Variants in UBL4A observed in about 807,000 individuals in gnomAD.
UBL4A encodes the protein ubiquitin-like protein 4A.
A neutral mutation model predicts 11.4 loss-of-function variants in UBL4A; 4 were observed. That is an observed-to-expected ratio of 0.35 (90% CI 0.17 to 0.81). UBL4A has a LOEUF of 0.81. UBL4A is among the 30% of genes least tolerant of loss of function. The probability of loss-of-function intolerance (pLI) is 0.52; values close to 1 mark genes in which losing one functional copy is unlikely to be tolerated. For missense variants in UBL4A, 112 were observed against 124.9 expected (o/e 0.90, Z 0.49); for synonymous variants, 72 against 61.2 (o/e 1.18, Z -0.83).
At position 154,486,590 on chromosome X, in the gene UBL4A, T is replaced by C; in HGVS notation, c.-6A>G. On this transcript the variant is annotated 5_prime_UTR_variant, in exon 1 of 4. Transcript: ENST00000369660. ...GCCTTCACCGTCAGCTGCATGGCGG[T>C]CGCGACGGCGTCCACTCGGGCCGGC... The C allele has an allele frequency of 1.1e-6, 1 of 920,434 alleles. No homozygotes were observed. Among genetic ancestry groups the C allele is most frequent in the Non-Finnish European group, 1.3e-6 (1 of 742,827 alleles). The allele number at this position is 920,434 out of a possible 1,213,427, so 75.9% of individuals were successfully genotyped here. A position where few individuals can be genotyped will look rare whatever the true frequency, so the allele number is the denominator to read the frequency against.
At chrX:154,486,060 G>A (rs2069295976) in intron 2 of UBL4A, 81 bp from the exon 3 acceptor site, 1 of 1,127,769 alleles carries the variant, frequency 8.9e-7, no homozygotes. Context: ...TCGGGCGGCG[G>A]GAGCGGAGCG....
Position 154,486,204 on chromosome X carries a change from C to T in UBL4A, c.154+24G>A, listed in dbSNP as rs782538005. The T allele has an allele frequency of 4.4e-6, 5 of 1,139,422 alleles. No individual in the cohort carries two copies. In the Admixed American group the frequency reaches 8.0e-5, roughly 18 times the overall value. 93.9% of individuals were successfully genotyped at this position (1,139,422 alleles called of 1,213,427 possible). A position where few individuals can be genotyped will look rare whatever the true frequency, so the allele number is the denominator to read the frequency against. On this transcript the variant is annotated intron_variant, in intron 2 of 3. Coordinates refer to ENST00000369660, the MANE Select transcript of UBL4A (RefSeq NM_014235.5). ...CGGTCCCGCTTCCTGCGGGGCTCCCCGGGCGTCTCCTCTCCCTGGGTACCT... is the reference window on the plus strand; with the variant it reads ...CGGTCCCGCTTCCTGCGGGGCTCCCTGGGCGTCTCCTCTCCCTGGGTACCT...
rs2069286926 is a variant in UBL4A, at chrX:154,485,259, GC to G, written c.*279del. On this transcript the variant is annotated 3_prime_UTR_variant, in exon 4 of 4. Transcript: ENST00000369660. ...GACATGCGAGAGCCCAGCTCTCCAA[GC>G]GGCCCCTTCCTCCTTCTCACACCAA... is the stretch of plus-strand genomic sequence containing the variant. The G allele has an allele frequency of 4.2e-6, 2 of 477,386 alleles. No individual in the cohort carries two copies. Among genetic ancestry groups the G allele is most frequent in the African/African-American group, 2.4e-5 (1 of 42,095 alleles). 39.3% of individuals were successfully genotyped at this position (477,386 alleles called of 1,213,427 possible).
rs1416896752 is a variant in UBL4A, at chrX:154,486,427, C to T, written c.49-94G>A. The T allele has an allele frequency of 3.1e-6, 3 of 981,725 alleles. No individual in the cohort carries two copies. In the African/African-American group the frequency reaches 6.3e-5, roughly 21 times the overall value. The allele number at this position is 981,725 out of a possible 1,213,427, so 80.9% of individuals were successfully genotyped here. ...GCCCCCGAGGGCAGCTCTCCCGGCTCCCGGCCCTCGGCCCGGCCGCCCCGT... is the reference window on the plus strand; with the variant it reads ...GCCCCCGAGGGCAGCTCTCCCGGCTTCCGGCCCTCGGCCCGGCCGCCCCGT... On this transcript the variant is annotated intron_variant, in intron 1 of 3. Transcript: ENST00000369660.
intron 3 of UBL4A, 41 bp from the exon 4 acceptor site, chrX:154,485,690 G>C (rs368872121): frequency 1.3e-5 from 14 of 1,042,629 alleles, no homozygotes; most frequent in South Asian, 2.0e-5. Context: ...GCTGCCAGTG[G>C]TGGGGGGGCA....
At chrX:154,486,030 G>T in intron 2 of UBL4A, 51 bp from the exon 3 acceptor site, 1 of 1,183,090 alleles carries the variant, frequency 8.5e-7, no homozygotes, top group Non-Finnish European at 1.1e-6. Context: ...CGTGGGGGTG[G>T]CCCGGGGCGC....
At chrX:154,486,073 G>A in intron 2 of UBL4A, 94 bp from the exon 3 acceptor site, 1 of 1,096,099 alleles carries the variant, frequency 9.1e-7, no homozygotes. Flanking sequence ...GCGGAGCGCT[G>A]CGGCATCCGG....
At chrX:154,486,383 C>T in intron 1 of UBL4A, 50 bp from the exon 2 acceptor site, 1 of 1,069,307 alleles carries the variant, frequency 9.4e-7, no homozygotes. Context: ...GGCCCCCAGA[C>T]GGCGAAGCCC....
rs782157299 is a variant in UBL4A at position 154,486,099 on chromosome X, C to T, written c.155-120G>A. The stretch of plus-strand genomic sequence containing the variant: ...CGGCATCCGGCTGTGAGGCATGCGG[C>T]CGCCTCCCTTGGGGTCATGTGGCGC... On this transcript the variant is annotated intron_variant, in intron 2 of 3. Transcript: ENST00000369660. 8.3e-4 allele frequency: 863 copies of T among 1,041,322 alleles called. 3 individuals are homozygous for T. The African/African-American group carries it at 0.015, about 18-fold the overall frequency. The allele number at this position is 1,041,322 out of a possible 1,213,427, so 85.8% of individuals were successfully genotyped here. A position where few individuals can be genotyped will look rare whatever the true frequency, so the allele number is the denominator to read the frequency against.
Position 154,485,386 on chromosome X carries a change from C to T in UBL4A, c.*153G>A, listed in dbSNP as rs1253677694. ...CCTCTTCTGAGGGTGTGGAAGCAAA[C>T]CCAGGTCAAGCTGTGAGGAGTGCCT... On this transcript the variant is annotated 3_prime_UTR_variant, in exon 4 of 4. Transcript: ENST00000369660. The T allele has an allele frequency of 8.1e-6, 5 of 619,410 alleles. No homozygotes were observed. Among genetic ancestry groups the T allele is most frequent in the Non-Finnish European group, 1.1e-5 (4 of 362,470 alleles). The allele number at this position is 619,410 out of a possible 1,213,427, so 51.0% of individuals were successfully genotyped here. A position where few individuals can be genotyped will look rare whatever the true frequency, so the allele number is the denominator to read the frequency against.
Position 154,485,043 on chromosome X carries a change from T to A in UBL4A, c.*496A>T. 1 of 294,588 alleles carries A rather than the reference T, an allele frequency of 3.4e-6. No homozygotes were observed. The allele number at this position is 294,588 out of a possible 1,213,427, so 24.3% of individuals were successfully genotyped here. On this transcript the variant is annotated 3_prime_UTR_variant, in exon 4 of 4. Coordinates refer to ENST00000369660, the MANE Select transcript of UBL4A (RefSeq NM_014235.5). ...TGGCCCCAATCTGCTTTTCCATTTG[T>A]CGAACGCACACTGGCACACTGGCTG...
At chrX:154,486,081 C>G (rs782051141) in intron 2 of UBL4A, 102 bp from the exon 3 acceptor site, 9 of 1,076,560 alleles carry the variant, frequency 8.4e-6, no homozygotes, top group South Asian at 4.0e-5. Flanking sequence ...CTGCGGCATC[C>G]GGCTGTGAGG....
At position 154,485,509 on chromosome X, in the gene UBL4A, C is replaced by T; in HGVS notation, c.*30G>A. On this transcript the variant is annotated 3_prime_UTR_variant, in exon 4 of 4. Transcript: ENST00000369660. ...AGTGCGACATGCAGCGGTAGCCTGG[C>T]GTTGGGCACCTCCCCATGCTCCGAG... The T allele has an allele frequency of 3.4e-6, 4 of 1,174,802 alleles. No individual in the cohort carries two copies. Among genetic ancestry groups the T allele is most frequent in the Non-Finnish European group, 4.6e-6 (4 of 862,024 alleles).
chrX:154,484,153 G>GTATT lies in UBL4A; in HGVS notation c.*1385_*1386insAATA, dbSNP rs1337080091. ...CACACAAACAAGAACACTGGTAAAT[G>GTATT]TATCACCTGAACTGCAGGCCACACA... On this transcript the variant is annotated 3_prime_UTR_variant, in exon 4 of 4. Transcript: ENST00000369660. 8.8e-6 allele frequency: 1 copy of GTATT among 113,163 alleles called. No individual in the cohort carries two copies. Among genetic ancestry groups the GTATT allele is most frequent in the Non-Finnish European group, 1.9e-5 (1 of 53,382 alleles). 9.3% of individuals were successfully genotyped at this position (113,163 alleles called of 1,213,427 possible).
intron 2 of UBL4A, 23 bp from the exon 3 acceptor site, chrX:154,486,002 T>TTCC: frequency 8.3e-7 from 1 of 1,200,977 alleles, no homozygotes; most frequent in Non-Finnish European, 1.1e-6. Context: ...GATCGATGGG[T>TTCC]TCCTCCTCCT....
At position 154,486,240 on chromosome X, in the gene UBL4A, T is replaced by C. The variant is rs2069297899; in HGVS notation, c.142A>G (p.Lys48Glu). The C allele has an allele frequency of 8.7e-7, 1 of 1,154,290 alleles. No homozygotes were observed. Among genetic ancestry groups the C allele is most frequent in the Non-Finnish European group, 1.2e-6 (1 of 867,399 alleles). Residue 48 changes from lysine (K) to glutamate (E), a missense_variant, in exon 2 of 4, where the codon AAG (lysine) becomes GAG (glutamate). Lys to Glu is a moderately conservative substitution (Grantham distance 56, BLOSUM62 1). Coordinates refer to ENST00000369660, the MANE Select transcript of UBL4A (RefSeq NM_014235.5). ...VRQQRLLFKG[K>E]ALADGKRLSD... ...TCTCCCTGGGTACCTGCCAGGGCCT[T>C]GCCCTTGAACAGCAGCCGCTGCTGG...
Position 154,485,233 on chromosome X carries a change from T to G in UBL4A, c.*306A>C. The G allele has an allele frequency of 2.2e-6, 1 of 463,878 alleles. No individual in the cohort carries two copies. Among genetic ancestry groups the G allele is most frequent in the Admixed American group, 3.7e-5 (1 of 27,078 alleles). The allele number at this position is 463,878 out of a possible 1,213,427, so 38.2% of individuals were successfully genotyped here. On this transcript the variant is annotated 3_prime_UTR_variant, in exon 4 of 4. Coordinates refer to ENST00000369660, the MANE Select transcript of UBL4A (RefSeq NM_014235.5). ...GGGTATATTCTCAGTGGGCTAAACATGACATGCGAGAGCCCAGCTCTCCAA... is the reference window on the plus strand; with the variant it reads ...GGGTATATTCTCAGTGGGCTAAACAGGACATGCGAGAGCCCAGCTCTCCAA...
intron 1 of UBL4A, 47 bp downstream of exon 1, chrX:154,486,490 G>A: frequency 9.7e-7 from 1 of 1,027,696 alleles, no homozygotes; most frequent in Non-Finnish European, 1.2e-6. Context: ...TGCCAGGAGC[G>A]GGCGAGAGAG....
chrX:154,486,012 TCCA>T (rs782682211), intron 2 of UBL4A, 33 bp from the exon 3 acceptor site: 1 of 1,191,478 alleles, frequency 8.4e-7, no homozygotes, highest in Admixed American at 2.2e-5. Context: ...TTCCTCCTCC[TCCA>T]CCGCCGTGGG....
Sources: allele counts gnomAD v4.1 joint callset, GRCh38; gene constraint gnomAD v4.1.1; transcripts MANE v1.5; gene names NCBI Gene and HGNC (gene_info 2026-07-23, HGNC 2026-07-21).